The following PALLD variants were observed in gnomAD, a reference collection of about 807,000 sequenced individuals.
PALLD encodes the protein palladin.
In PALLD, 61 loss-of-function variants were observed where a neutral mutation model predicts 123.5. The ratio of observed to expected loss-of-function variants is 0.49; its 90% confidence interval spans 0.40 to 0.61. PALLD has a LOEUF of 0.61. PALLD is among the 20% of genes least tolerant of loss of function. The probability of loss-of-function intolerance (pLI) is 0.00; values close to 1 mark genes in which losing one functional copy is unlikely to be tolerated. For missense variants in PALLD, 1,273 were observed against 1,377.0 expected, an observed-to-expected ratio of 0.92 and a Z score of 1.20; for synonymous variants, 465 against 496.4, an observed-to-expected ratio of 0.94 and a Z score of 0.84.
At chr4:168,698,534 T>A (rs946976717) in intron 8 of PALLD, among the ~76,000 whole-genome samples, 23 of 152,152 alleles carry the variant, frequency 1.5e-4, no homozygotes, top group African/African-American at 4.8e-4. Flanking sequence ...TTTTTTAATT[T>A]AAAGAAACAA....
chr4:168,739,461 A>G (rs1788109069), intron 10 of PALLD, among the ~76,000 whole-genome samples: 1 of 152,230 alleles, frequency 6.6e-6, no homozygotes, highest in South Asian at 2.1e-4. Context: ...TCAATAGGTG[A>G]AAACATCAGT....
At chr4:168,514,815 T>C (rs762580597) in intron 2 of PALLD, among the ~76,000 whole-genome samples, 2 of 152,216 alleles carry the variant, frequency 1.3e-5, no homozygotes, top group African/African-American at 2.4e-5. Context: ...CCATTTAGCA[T>C]TGAAGGATTA....
chr4:168,621,257 T>C (rs1216351158), intron 2 of PALLD, among the ~76,000 whole-genome samples: 1 of 152,230 alleles, frequency 6.6e-6, no homozygotes, highest in African/African-American at 2.4e-5. Flanking sequence ...ACTTGATTGA[T>C]CTATGGCATG....
chr4:168,860,180 G>A (rs568796209), intron 10 of PALLD, among the ~76,000 whole-genome samples: 17 of 152,166 alleles, frequency 1.1e-4, no homozygotes, highest in East Asian at 1.9e-4. Flanking sequence ...TTATCTTTTC[G>A]CGTCTGAAAA....
chr4:168,548,820 T>C (rs1426374908), intron 2 of PALLD, among the ~76,000 whole-genome samples: 1 of 152,182 alleles, frequency 6.6e-6, no homozygotes, highest in Non-Finnish European at 1.5e-5. Flanking sequence ...AAATTAACGA[T>C]TTAAATACAA....
intron 2 of PALLD, among the ~76,000 whole-genome samples, chr4:168,618,100 G>A (rs927504516): frequency 1.3e-5 from 2 of 152,154 alleles, no homozygotes; most frequent in South Asian, 2.1e-4. Context: ...AGGCCACTAC[G>A]AAGTGAGAGG....
intron 10 of PALLD, among the ~76,000 whole-genome samples, chr4:168,768,497 G>A (rs898722446): frequency 2.6e-5 from 4 of 152,104 alleles, no homozygotes; most frequent in African/African-American, 4.8e-5. Context: ...AGGGCAATTC[G>A]TTTCAGAAAA....
intron 8 of PALLD, among the ~76,000 whole-genome samples, chr4:168,697,133 C>T (rs993394587): frequency 2.0e-5 from 3 of 152,156 alleles, no homozygotes; most frequent in Non-Finnish European, 4.4e-5. Context: ...TCACACTAGA[C>T]ACAACGAGAC....
intron 2 of PALLD, among the ~76,000 whole-genome samples, chr4:168,558,447 C>T (rs957933644): frequency 6.6e-6 from 1 of 152,194 alleles, no homozygotes; most frequent in African/African-American, 2.4e-5. Flanking sequence ...TCCTCCATCA[C>T]CAGGCTTATG....
intron 10 of PALLD, among the ~76,000 whole-genome samples, chr4:168,733,000 T>C (rs954805723): frequency 1.3e-5 from 2 of 152,210 alleles, no homozygotes; most frequent in African/African-American, 4.8e-5. Context: ...AAACTTGTGG[T>C]TAAAAGAAAT....
intron 10 of PALLD, among the ~76,000 whole-genome samples, chr4:168,809,781 T>C (rs1740793075): frequency 6.6e-6 from 1 of 151,888 alleles, no homozygotes; most frequent in Non-Finnish European, 1.5e-5. Context: ...TGAGAACTGC[T>C]TGAACCCAGG....
At chr4:168,756,711 A>G (rs1278181366) in intron 10 of PALLD, among the ~76,000 whole-genome samples, 1 of 152,314 alleles carries the variant, frequency 6.6e-6, no homozygotes, top group African/African-American at 2.4e-5. Flanking sequence ...GTGTTTATAC[A>G]TTTCCATATG....
At chr4:168,831,594 C>T (rs1216409492) in intron 10 of PALLD, among the ~76,000 whole-genome samples, 2 of 152,188 alleles carry the variant, frequency 1.3e-5, no homozygotes, top group Admixed American at 1.3e-4. Context: ...CTCCCCACAG[C>T]CCCAGTCCCA....
chr4:168,502,025 C>T (rs1237750614), intron 1 of PALLD, among the ~76,000 whole-genome samples: 2 of 152,142 alleles, frequency 1.3e-5, no homozygotes, highest in African/African-American at 4.8e-5. Context: ...TACCTTTGTC[C>T]TTTCTCTTCT....
At chr4:168,736,213 G>C (rs1361645387) in intron 10 of PALLD, among the ~76,000 whole-genome samples, 3 of 152,188 alleles carry the variant, frequency 2.0e-5, no homozygotes, top group Non-Finnish European at 4.4e-5. Flanking sequence ...TGTTTGCACT[G>C]ATAATTAATA....
At chr4:168,805,077 A>G (rs1478292035) in intron 10 of PALLD, among the ~76,000 whole-genome samples, 1 of 151,908 alleles carries the variant, frequency 6.6e-6, no homozygotes, top group Non-Finnish European at 1.5e-5. Context: ...AGAATCGTTT[A>G]AACCCGGGAG....
chr4:168,883,997 A>G (rs1752996983), intron 10 of PALLD, among the ~76,000 whole-genome samples: 3 of 150,940 alleles, frequency 2.0e-5, no homozygotes, highest in East Asian at 3.9e-4. Context: ...TTTATTTCCT[A>G]ATGAGTTGCT....
chr4:168,500,751 C>T (rs1170288981), intron 1 of PALLD, among the ~76,000 whole-genome samples: 1 of 152,072 alleles, frequency 6.6e-6, no homozygotes, highest in Non-Finnish European at 1.5e-5. Context: ...GGTAATCTAT[C>T]CCCAAAAGTC....
chr4:168,846,321 A>G (rs1286046879), intron 10 of PALLD, among the ~76,000 whole-genome samples: 6 of 152,224 alleles, frequency 3.9e-5, no homozygotes, highest in African/African-American at 1.2e-4. Flanking sequence ...TCCGTTTGAT[A>G]TGGGTAATTT....
Sources: allele counts gnomAD v4.1 joint callset (sites outside exome capture counted in the v4.1 genomes callset), GRCh38; gene constraint gnomAD v4.1.1; transcripts MANE v1.5; gene names NCBI Gene and HGNC (gene_info 2026-07-23, HGNC 2026-07-21).